FRMD1: variants seen among roughly 807,000 people sequenced by gnomAD.
FRMD1 encodes the protein FERM domain-containing protein 1.
FRMD1 carries 51 observed loss-of-function variants against 54.9 expected under a neutral mutation model. That is an observed-to-expected ratio of 0.93 (90% CI 0.74 to 1.17). FRMD1 has a LOEUF of 1.17. Ranked by LOEUF, FRMD1 falls within the 50% of genes most tolerant of loss-of-function variation. The pLI is 0.00. For missense variants in FRMD1, 729 were observed against 743.0 expected (o/e 0.98, Z 0.22); for synonymous variants, 324 against 306.4 (o/e 1.06, Z -0.60).
chr6:168,066,608 G>GCAAA, intron 4 of FRMD1, 147 bp downstream of exon 4: 1 of 1,425,680 alleles, frequency 7.0e-7, no homozygotes, highest in Non-Finnish European at 9.2e-7. Flanking sequence ...TAACCCCAAA[G>GCAAA]CAAACAGCCG....
intron 1 of FRMD1, among the ~76,000 whole-genome samples, chr6:168,092,148 T>C (rs1431345533): frequency 6.6e-6 from 1 of 152,256 alleles, no homozygotes; most frequent in African/African-American, 2.4e-5. Flanking sequence ...AGGATGCACC[T>C]GTGTGCCACA....
chr6:168,075,630 T>A (rs1014538869), intron 1 of FRMD1: 15 of 872,438 alleles, frequency 1.7e-5, no homozygotes, highest in Non-Finnish European at 2.6e-5. Context: ...CCGAGACCAG[T>A]CAGGGACACA....
At chr6:168,081,176 G>C (rs2115025862), upstream of FRMD1, among the ~76,000 whole-genome samples, 1 of 152,226 alleles carries the variant, frequency 6.6e-6, no homozygotes, top group African/African-American at 2.4e-5. Flanking sequence ...GGAGAGCGCG[G>C]CTTTTTCCTG....
intron 1 of FRMD1, among the ~76,000 whole-genome samples, chr6:168,087,824 G>A (rs939417347): frequency 6.6e-6 from 1 of 152,318 alleles, no homozygotes; most frequent in East Asian, 1.9e-4. Context: ...CCCCAAGGAC[G>A]CTGACCTCAC....
At position 168,061,905 on chromosome 6, in the gene FRMD1, C is replaced by T. The variant is rs200964106; in HGVS notation, c.947G>A (p.Arg316Gln). The change falls in exon 8 of 11, where the codon CGG becomes CAG. Residue 316 changes from arginine to glutamine, a missense_variant. By Grantham distance (43) the Arg-to-Gln change is conservative. Transcript: ENST00000283309. ...CAGCAGGTGCAGCAGGTGCCTGGAC[C>T]GCCAGGTGCACCCCGTGTAGTAAAC... ...KLVYYTGCTWRSRHLLHLLRA... is the reference protein window; with the variant it reads ...KLVYYTGCTWQSRHLLHLLRA... 66 of 1,597,124 alleles carry T rather than the reference C, an allele frequency of 4.1e-5. No homozygotes were observed. The highest frequency in any genetic ancestry group is 3.2e-4 in the East Asian group (14 of 43,902).
intron 1 of FRMD1, among the ~76,000 whole-genome samples, chr6:168,087,516 C>T (rs930723180): frequency 6.6e-6 from 1 of 152,256 alleles, no homozygotes; most frequent in Non-Finnish European, 1.5e-5. Context: ...GCCCTGTCAG[C>T]CGCACATCGT....
intron 3 of FRMD1, 85 bp from the exon 4 acceptor site, chr6:168,066,916 AT>A: frequency 6.5e-7 from 1 of 1,536,508 alleles, no homozygotes; most frequent in East Asian, 2.3e-5. Flanking sequence ...GGGGGCCTGG[AT>A]TGCTTCACAC....
chr6:168,083,119 G>A (rs775225640), upstream of FRMD1, among the ~76,000 whole-genome samples: 4 of 152,214 alleles, frequency 2.6e-5, no homozygotes, highest in Non-Finnish European at 5.9e-5. Flanking sequence ...CCACGGGGCC[G>A]TATTTATTCA....
At chr6:168,087,723 G>T (rs1260510433) in intron 1 of FRMD1, among the ~76,000 whole-genome samples, 2 of 152,206 alleles carry the variant, frequency 1.3e-5, no homozygotes, top group Non-Finnish European at 2.9e-5. Flanking sequence ...TACTCTCTGG[G>T]GAGATTGGGC....
chr6:168,089,674 C>T (rs1283311454), intron 1 of FRMD1, among the ~76,000 whole-genome samples: 2 of 152,260 alleles, frequency 1.3e-5, no homozygotes, highest in Admixed American at 1.3e-4. Flanking sequence ...CGTCTGTCCT[C>T]AGGTCCCTGG....
rs999383640 is a variant in FRMD1 at position 168,065,215 on chromosome 6, G to T, written c.462-158C>A. On this transcript the variant is annotated intron_variant, in intron 4 of 10. Transcript: ENST00000283309. The stretch of plus-strand genomic sequence containing the variant: ...TATACCCACAGCTGTGTCCCTGCAG[G>T]GCCAGCACGGCACAGGCCCACACTC... The T allele has an allele frequency of 6.4e-5, 90 of 1,416,658 alleles. No individual in the cohort carries two copies. In the East Asian group the frequency reaches 2.3e-3, roughly 36 times the overall value. The allele number at this position is 1,416,658 out of a possible 1,614,324, so 87.8% of individuals were successfully genotyped here. A position where few individuals can be genotyped will look rare whatever the true frequency, so the allele number is the denominator to read the frequency against.
At chr6:168,072,410 T>C (rs1177155079) in intron 2 of FRMD1, among the ~76,000 whole-genome samples, 1 of 152,112 alleles carries the variant, frequency 6.6e-6, no homozygotes, top group Non-Finnish European at 1.5e-5. Context: ...GCGAACCACG[T>C]CTCCCAGAGG....
In FRMD1 at chr6:168,059,413, G is replaced by A. The variant is rs1234726124; in HGVS notation, c.1343-225C>T. The stretch of plus-strand genomic sequence containing the variant: ...ATGCGGGATTAGCACGGTGATTCCC[G>A]CTGGGTTACAGGCCACAGAGCTTGC... On this transcript the variant is annotated intron_variant, in intron 9 of 10. Coordinates refer to ENST00000283309, the MANE Select transcript of FRMD1 (RefSeq NM_024919.6). This position sits in a 1 kb window ranked among gnomAD's most constrained non-coding sequence, Gnocchi z 4.4. Among the ~76,000 whole-genome samples the A allele has an allele frequency of 6.6e-6, 1 of 152,204 alleles. No homozygotes were observed. Among genetic ancestry groups the A allele is most frequent in the Non-Finnish European group, 1.5e-5 (1 of 68,032 alleles).
intron 2 of FRMD1, among the ~76,000 whole-genome samples, chr6:168,072,374 C>G (rs908078326): frequency 2.0e-5 from 3 of 152,246 alleles, no homozygotes; most frequent in African/African-American, 7.2e-5. Flanking sequence ...CTGAACTCCC[C>G]GTGCCCTCAC....
intron 2 of FRMD1, among the ~76,000 whole-genome samples, chr6:168,069,052 CA>C (rs751009320): frequency 1.7e-4 from 26 of 152,236 alleles, no homozygotes; most frequent in Non-Finnish European, 3.2e-4. Context: ...ACAACCACAG[CA>C]ACTCACTGCT....
chr6:168,076,780 C>T (rs1420180842), intron 1 of FRMD1, among the ~76,000 whole-genome samples: 2 of 152,212 alleles, frequency 1.3e-5, no homozygotes, highest in Non-Finnish European at 2.9e-5. Context: ...CCCACAATGA[C>T]GGTAACACAG....
upstream of FRMD1, among the ~76,000 whole-genome samples, chr6:168,082,690 A>G (rs1012147131): frequency 1.3e-5 from 2 of 152,158 alleles, no homozygotes; most frequent in African/African-American, 4.8e-5. Context: ...TCCTCCCCGA[A>G]TCTACTGACC....
chr6:168,086,329 G>A (rs370491558), upstream of FRMD1, among the ~76,000 whole-genome samples: 23 of 151,340 alleles, frequency 1.5e-4, no homozygotes, highest in East Asian at 4.1e-3. Context: ...TCTTCAGTGT[G>A]GACACCCGTG....
chr6:168,073,360 G>A (rs1044574117), intron 2 of FRMD1, among the ~76,000 whole-genome samples: 1 of 152,210 alleles, frequency 6.6e-6, no homozygotes, highest in Non-Finnish European at 1.5e-5. Flanking sequence ...GCCCTCAGGG[G>A]CTCATGGTGT....
Sources: allele counts gnomAD v4.1 joint callset (sites outside exome capture counted in the v4.1 genomes callset), GRCh38; gene constraint gnomAD v4.1.1; non-coding constraint Gnocchi (gnomAD v3.1); transcripts MANE v1.5; gene names NCBI Gene and HGNC (gene_info 2026-07-23, HGNC 2026-07-21).